Variants in AQR observed in about 807,000 individuals in gnomAD.
The protein encoded by AQR is aquarius intron-binding spliceosomal factor, also known as RNA helicase aquarius.
AQR carries 61 observed loss-of-function variants against 180.5 expected under a neutral mutation model. The observed-to-expected ratio is 0.34, with a 90% CI of 0.28 to 0.42. The LOEUF is 0.42. AQR is among the 10% of genes least tolerant of loss of function. AQR has a pLI of 1.00. For synonymous variants in AQR, 551 were observed against 588.8 expected (o/e 0.94, Z 0.93); for missense variants, 1,281 against 1,798.3 (o/e 0.71, Z 5.20).
chr15:34,907,856 T>C lies in AQR; in HGVS notation c.1664-1144A>G, dbSNP rs560369614. On this transcript the variant is annotated intron_variant, in intron 17 of 34. Transcript: ENST00000156471. ...ATCCTCTCCCAAGATAGGAGTTACT[T>C]TTTGGCATCACTGAGGGATGACCTC... 7.2e-5 allele frequency among the ~76,000 whole-genome samples: 11 copies of C among 152,302 alleles called. No homozygotes were observed. The South Asian group carries it at 1.5e-3, about 20-fold the overall frequency.
At chr15:34,867,421 T>C (rs995238452) in intron 32 of AQR, 103 bp downstream of exon 32, 16 of 965,932 alleles carry the variant, frequency 1.7e-5, no homozygotes, top group Admixed American at 1.4e-4. Flanking sequence ...CTAGTAATTA[T>C]AGTTTAAACT....
chr15:34,857,194 C>A, intron 34 of AQR, 88 bp from the exon 35 acceptor site: 1 of 1,275,884 alleles, frequency 7.8e-7, no homozygotes, highest in Non-Finnish European at 1.1e-6. Flanking sequence ...TAGAGTTCTC[C>A]AAAACAGTGC....
intron 12 of AQR, among the ~76,000 whole-genome samples, chr15:34,928,234 T>C (rs1478487031): frequency 6.6e-6 from 1 of 152,180 alleles, no homozygotes; most frequent in African/African-American, 2.4e-5. Context: ...TATTTATTTT[T>C]TCTTCTAAAA....
At chr15:34,898,441 TAGG>T (rs1196513939) in intron 20 of AQR, among the ~76,000 whole-genome samples, 1 of 152,146 alleles carries the variant, frequency 6.6e-6, no homozygotes, top group Non-Finnish European at 1.5e-5. Context: ...TGGTAAGAAA[TAGG>T]AGCATATCAG....
At chr15:34,895,342 T>G (rs1369843277) in intron 22 of AQR, among the ~76,000 whole-genome samples, 1 of 150,258 alleles carries the variant, frequency 6.7e-6, no homozygotes, top group African/African-American at 2.4e-5. Flanking sequence ...ATGATAGGCC[T>G]AAATCCAAAT....
At chr15:34,949,807 A>C (rs1394070217) in intron 4 of AQR, among the ~76,000 whole-genome samples, 12 of 146,438 alleles carry the variant, frequency 8.2e-5, no homozygotes, top group East Asian at 4.1e-4. Context: ...AAAAAAAAAA[A>C]AAAAAACCAC....
chr15:34,961,581 T>C (rs1378143002), intron 2 of AQR, among the ~76,000 whole-genome samples: 4 of 119,454 alleles, frequency 3.3e-5, no homozygotes, highest in Non-Finnish European at 6.3e-5. Flanking sequence ...CTGCACTCCA[T>C]CCAGCCTGGT....
chr15:34,870,536 A>G (rs1253103778), intron 31 of AQR, among the ~76,000 whole-genome samples: 1 of 152,154 alleles, frequency 6.6e-6, no homozygotes, highest in African/African-American at 2.4e-5. Context: ...TTTCAGAAAC[A>G]TTTCTTTTAC....
intron 23 of AQR, 61 bp downstream of exon 23, chr15:34,893,602 T>C: frequency 1.6e-6 from 2 of 1,224,186 alleles, no homozygotes; most frequent in African/African-American, 1.6e-5. Context: ...TGCATGCGCA[T>C]GCGTGCACAC....
chr15:34,918,547 G>C (rs1893632220), intron 14 of AQR, among the ~76,000 whole-genome samples, 169 bp from the exon 15 acceptor site: 1 of 152,106 alleles, frequency 6.6e-6, no homozygotes, highest in African/African-American at 2.4e-5. Flanking sequence ...CAAACCAATG[G>C]TAATGGTCTT....
At chr15:34,948,110 CAT>C (rs898301085) in intron 5 of AQR, 152 bp downstream of exon 5, 23 of 768,462 alleles carry the variant, frequency 3.0e-5, no homozygotes, top group African/African-American at 5.3e-5. Flanking sequence ...CAAAAGAAAA[CAT>C]ATCTTTCACA....
At chr15:34,928,658 T>C (rs985011279) in intron 12 of AQR, among the ~76,000 whole-genome samples, 1 of 152,228 alleles carries the variant, frequency 6.6e-6, no homozygotes, top group Non-Finnish European at 1.5e-5. Flanking sequence ...TACATGTGCA[T>C]GTGCCTGTAT....
At position 34,897,545 on chromosome 15, in the gene AQR, G is replaced by T; in HGVS notation, c.2390+14C>A. ...ATTGTTCATCATTACAATTATAATA[G>T]GTAGTAAAATTACCGTTTGGGTTGA... On this transcript the variant is annotated intron_variant, in intron 21 of 34. Coordinates refer to ENST00000156471, the MANE Select transcript of AQR (RefSeq NM_014691.3). 2 of 1,612,234 alleles carry T rather than the reference G, an allele frequency of 1.2e-6. 1 individual carries two copies. Among genetic ancestry groups the T allele is most frequent in the South Asian group, 2.2e-5 (2 of 90,970 alleles).
At chr15:34,907,150 T>C (rs1429813112) in intron 17 of AQR, among the ~76,000 whole-genome samples, 3 of 152,238 alleles carry the variant, frequency 2.0e-5, no homozygotes, top group Non-Finnish European at 4.4e-5. Context: ...AGCCTAATTG[T>C]ATTTCACTAA....
Position 34,927,792 on chromosome 15 carries a change from A to G in AQR, c.1015-654T>C, listed in dbSNP as rs975262180. Among the ~76,000 whole-genome samples, 4 of 152,252 alleles carry G rather than the reference A, an allele frequency of 2.6e-5. 1 individual carries two copies. Among genetic ancestry groups the G allele is most frequent in the Admixed American group, 2.6e-4 (4 of 15,284 alleles). ...TCATGTGTTCCATGGTGGATGACACAGAAGGTTGCCAAGGTTGCCATGAGT... is the reference window on the plus strand; with the variant it reads ...TCATGTGTTCCATGGTGGATGACACGGAAGGTTGCCAAGGTTGCCATGAGT... On this transcript the variant is annotated intron_variant, in intron 12 of 34. Transcript: ENST00000156471.
Position 34,964,229 on chromosome 15 carries a change from CT to C in AQR, c.132+4del. The C allele has an allele frequency of 6.3e-7, 1 of 1,593,618 alleles. No homozygotes were observed. Among genetic ancestry groups the C allele is most frequent in the Non-Finnish European group, 8.6e-7 (1 of 1,163,580 alleles). ...AAGAATTATGTTGAAACCAAAAATA[CT>C]TACCTTTATATCAAAAGGTGATTTC... On this transcript the variant is annotated splice_donor_region_variant and intron_variant, in intron 2 of 34. Coordinates refer to ENST00000156471, the MANE Select transcript of AQR (RefSeq NM_014691.3).
At chr15:34,900,889 T>C in intron 19 of AQR, 26 bp from the exon 20 acceptor site, 1 of 1,562,216 alleles carries the variant, frequency 6.4e-7, no homozygotes. Context: ...CAGAAAAAGA[T>C]TGTGTCAGTA....
At chr15:34,943,068 G>A (rs376709318) in intron 6 of AQR, 24 of 1,610,090 alleles carry the variant, frequency 1.5e-5, no homozygotes, top group African/African-American at 8.0e-5. Context: ...TGCCGATAAC[G>A]CTCACGCAAG....
chr15:34,879,344 T>C (rs1195596206), intron 27 of AQR, among the ~76,000 whole-genome samples: 1 of 152,168 alleles, frequency 6.6e-6, no homozygotes. Flanking sequence ...GAGCGCAGAA[T>C]GAGCTTGCTT....
Sources: gnomAD v4.1 joint callset for allele counts (sites outside exome capture counted in the v4.1 genomes callset) on GRCh38, gnomAD v4.1.1 for gene constraint, MANE v1.5 for transcripts, NCBI Gene and HGNC (gene_info 2026-07-23, HGNC 2026-07-21) for gene names.